ANKFN1: variants seen among roughly 807,000 people sequenced by gnomAD.
ANKFN1 encodes ankyrin repeat and fibronectin type III domain containing 1.
A neutral mutation model predicts 108.7 loss-of-function variants in ANKFN1; 74 were observed. The ratio of observed to expected loss-of-function variants is 0.68; its 90% CI spans 0.56 to 0.83. The LOEUF is 0.83. Ranked by LOEUF, ANKFN1 falls within the 40% of genes least tolerant of loss-of-function variation. ANKFN1 has a pLI of 0.00. For missense variants in ANKFN1, 1,505 were observed against 1,382.3 expected (o/e 1.09, Z -1.41); for synonymous variants, 547 against 516.2 (o/e 1.06, Z -0.81).
chr17:56,483,672 CT>C (rs2050778340), intron 18 of ANKFN1, among the ~76,000 whole-genome samples: 2 of 152,140 alleles, frequency 1.3e-5, no homozygotes, highest in Admixed American at 1.3e-4. Flanking sequence ...CTTTCTACAC[CT>C]TTTCTGTGTC....
In ANKFN1 at chr17:56,092,146, A is replaced by C. The variant is rs990351891; in HGVS notation, c.288+45821A>C. ...GCAGCTGGAAAAAAGGGTTGGTACA[A>C]ATTAGAAATGGTCTGCACTATATAG... is the stretch of plus-strand genomic sequence containing the variant. On this transcript the variant is annotated intron_variant, in intron 4 of 12. Transcript: ENST00000635860. Among the ~76,000 whole-genome samples, 24 of 151,466 alleles carry C rather than the reference A, an allele frequency of 1.6e-4. 1 individual carries two copies. Among genetic ancestry groups the C allele is most frequent in the South Asian group, 2.1e-4 (1 of 4,812 alleles).
chr17:56,148,942 G>T (rs1908430682), upstream of ANKFN1, among the ~76,000 whole-genome samples: 1 of 152,140 alleles, frequency 6.6e-6, no homozygotes, highest in African/African-American at 2.4e-5. Flanking sequence ...ACCATGAAAG[G>T]TACGTATTAT....
At chr17:56,205,950 A>AC (rs138312896) in intron 1 of ANKFN1, among the ~76,000 whole-genome samples, 2,997 of 152,114 alleles carry the variant, frequency 0.02, 96 homozygotes, top group African/African-American at 0.069. Flanking sequence ...TCTCTTCATC[A>AC]CCTCAAAGCA....
chr17:56,384,440 C>T (rs1181583518), intron 8 of ANKFN1, among the ~76,000 whole-genome samples: 1 of 152,138 alleles, frequency 6.6e-6, no homozygotes, highest in African/African-American at 2.4e-5. Flanking sequence ...GCCCTCTCAC[C>T]ACTCCTATTC....
intron 3 of ANKFN1, among the ~76,000 whole-genome samples, chr17:56,234,998 A>T (rs1169648730): frequency 6.6e-6 from 1 of 152,070 alleles, no homozygotes; most frequent in East Asian, 1.9e-4. Context: ...TCTTCTCTGC[A>T]ACCTTGCCAG....
At chr17:56,067,062 G>A (rs1386857215) in intron 4 of ANKFN1, among the ~76,000 whole-genome samples, 1 of 152,090 alleles carries the variant, frequency 6.6e-6, no homozygotes, top group Non-Finnish European at 1.5e-5. Flanking sequence ...GGTGGAGAGT[G>A]CCTGTAGTCC....
chr17:56,111,521 C>CAAAAA (rs201360564), intron 4 of ANKFN1, among the ~76,000 whole-genome samples: 2 of 101,672 alleles, frequency 2.0e-5, no homozygotes, highest in South Asian at 3.2e-4. Context: ...TCATAAATGG[C>CAAAAA]AAAAAAAAAA....
At chr17:56,149,585 C>T (rs1307709662), upstream of ANKFN1, among the ~76,000 whole-genome samples, 1 of 152,186 alleles carries the variant, frequency 6.6e-6, no homozygotes, top group East Asian at 1.9e-4. Context: ...GGGCCACATG[C>T]ACTTGTGCCA....
intron 1 of ANKFN1, among the ~76,000 whole-genome samples, chr17:56,180,564 T>G (rs1388924595): frequency 6.6e-6 from 1 of 152,212 alleles, no homozygotes; most frequent in Non-Finnish European, 1.5e-5. Context: ...AATGAAATCA[T>G]AGGTTCCCCC....
intron 4 of ANKFN1, among the ~76,000 whole-genome samples, chr17:56,075,847 A>G (rs942639574): frequency 2.6e-5 from 4 of 152,132 alleles, no homozygotes; most frequent in African/African-American, 9.7e-5. Flanking sequence ...CTGAAGACTG[A>G]CCATGTCAAG....
At chr17:56,144,760 T>C (rs1908151186) in intron 4 of ANKFN1, among the ~76,000 whole-genome samples, 1 of 152,130 alleles carries the variant, frequency 6.6e-6, no homozygotes, top group East Asian at 1.9e-4. Context: ...GAAAAAGAAA[T>C]TGCAGATGGA....
intron 4 of ANKFN1, among the ~76,000 whole-genome samples, chr17:56,088,434 G>C (rs961432542): frequency 6.6e-6 from 1 of 151,348 alleles, no homozygotes; most frequent in Admixed American, 6.6e-5. Flanking sequence ...GGTGGCTCCA[G>C]TGTGGGGGAA....
chr17:56,259,620 T>TA (rs2043452011), intron 3 of ANKFN1, among the ~76,000 whole-genome samples: 1 of 152,030 alleles, frequency 6.6e-6, no homozygotes, highest in Middle Eastern at 3.4e-3. Flanking sequence ...AATAAAATGA[T>TA]AAAAAAGAGA....
chr17:56,443,756 A>G (rs1240183017), intron 10 of ANKFN1, among the ~76,000 whole-genome samples: 1 of 152,238 alleles, frequency 6.6e-6, no homozygotes, highest in East Asian at 1.9e-4. Context: ...GGCATTCTCT[A>G]TTAACCAGAA....
intron 20 of ANKFN1, among the ~76,000 whole-genome samples, chr17:56,507,908 T>A (rs1191978880): frequency 2.6e-5 from 4 of 152,208 alleles, no homozygotes; most frequent in African/African-American, 9.6e-5. Flanking sequence ...AAATCCACTT[T>A]CATTGTCTTC....
intron 3 of ANKFN1, among the ~76,000 whole-genome samples, chr17:56,314,445 T>C (rs1398122166): frequency 6.6e-6 from 1 of 152,262 alleles, no homozygotes; most frequent in Non-Finnish European, 1.5e-5. Flanking sequence ...TTAGCCATCA[T>C]AGTGGGTGTA....
intron 3 of ANKFN1, among the ~76,000 whole-genome samples, chr17:56,322,168 A>G (rs571871204): frequency 6.6e-6 from 1 of 152,282 alleles, no homozygotes; most frequent in African/African-American, 2.4e-5. Flanking sequence ...CCTGCATGCC[A>G]TAATTATCTC....
At chr17:56,108,913 T>A (rs1294499146) in intron 4 of ANKFN1, among the ~76,000 whole-genome samples, 1 of 152,248 alleles carries the variant, frequency 6.6e-6, no homozygotes, top group Admixed American at 6.5e-5. Flanking sequence ...GTAAGCCACT[T>A]TCTTCCAAGT....
At chr17:56,103,274 GGAA>G (rs879554059) in intron 4 of ANKFN1, among the ~76,000 whole-genome samples, 216 of 147,746 alleles carry the variant, frequency 1.5e-3, no homozygotes, top group Non-Finnish European at 2.7e-3. Context: ...CTGCATCCCT[GGAA>G]AGAACAAGAG....
Sources: allele counts gnomAD v4.1 joint callset (sites outside exome capture counted in the v4.1 genomes callset), GRCh38; gene constraint gnomAD v4.1.1; transcripts MANE v1.5; gene names NCBI Gene and HGNC (gene_info 2026-07-23, HGNC 2026-07-21).